MEI4: variants seen among roughly 807,000 people sequenced by gnomAD.
The protein encoded by MEI4 is meiosis-specific protein MEI4.
MEI4 carries 27 observed loss-of-function variants against 31.4 expected under a neutral mutation model. That is an observed-to-expected ratio of 0.86 (90% confidence interval 0.63 to 1.19). The LOEUF is 1.19. Ranked by LOEUF, MEI4 falls within the 50% of genes most tolerant of loss-of-function variation. MEI4 has a pLI of 0.00. For synonymous variants in MEI4, 122 were observed against 145.4 expected (o/e 0.84, Z 1.16); for missense variants, 329 against 398.9 (o/e 0.82, Z 1.49).
chr6:77,863,594 A>G (rs1770931294), intron 4 of MEI4, among the ~76,000 whole-genome samples: 1 of 152,194 alleles, frequency 6.6e-6, no homozygotes, highest in African/African-American at 2.4e-5. Context: ...AAAAGACCAA[A>G]TCTACGTCTG....
At chr6:77,682,418 G>T (rs1349120956) in intron 1 of MEI4, among the ~76,000 whole-genome samples, 1 of 152,114 alleles carries the variant, frequency 6.6e-6, no homozygotes, top group Non-Finnish European at 1.5e-5. Context: ...TAATTATTTT[G>T]GTGAAAGTTT....
intron 4 of MEI4, among the ~76,000 whole-genome samples, chr6:77,850,604 T>TGC: frequency 6.6e-6 from 1 of 152,182 alleles, no homozygotes; most frequent in Non-Finnish European, 1.5e-5. Flanking sequence ...TGAAACTGGA[T>TGC]CTTTTCCTTA....
At chr6:77,796,920 C>T (rs187990337) in intron 3 of MEI4, among the ~76,000 whole-genome samples, 5 of 152,270 alleles carry the variant, frequency 3.3e-5, no homozygotes, top group Admixed American at 3.3e-4. Flanking sequence ...CACATTTACA[C>T]TCCCTGTTTT....
At chr6:77,685,261 CA>C (rs1463481292) in intron 1 of MEI4, among the ~76,000 whole-genome samples, 6 of 149,636 alleles carry the variant, frequency 4.0e-5, no homozygotes, top group Admixed American at 6.7e-5. Flanking sequence ...AATTCCTTGT[CA>C]GGGGGATAGT....
chr6:77,686,601 A>G (rs1394222860), intron 1 of MEI4, among the ~76,000 whole-genome samples: 1 of 152,132 alleles, frequency 6.6e-6, no homozygotes. Context: ...GTTGAGTTAT[A>G]TGATATATCA....
intron 4 of MEI4, among the ~76,000 whole-genome samples, chr6:77,922,052 A>T (rs185053568): frequency 6.6e-6 from 1 of 151,852 alleles, no homozygotes; most frequent in African/African-American, 2.4e-5. Context: ...CAATTTGAAA[A>T]AATTGCAATA....
At chr6:77,755,832 G>A (rs1164138016) in intron 2 of MEI4, among the ~76,000 whole-genome samples, 4 of 136,902 alleles carry the variant, frequency 2.9e-5, no homozygotes, top group Admixed American at 2.1e-4. Context: ...AATGGTGTGT[G>A]TGTGTGTGTG....
At chr6:77,803,448 G>A (rs552022236) in intron 3 of MEI4, among the ~76,000 whole-genome samples, 19 of 151,890 alleles carry the variant, frequency 1.3e-4, no homozygotes, top group South Asian at 6.2e-4. Flanking sequence ...TAGTTTGATC[G>A]TCTGAAGGCT....
intron 4 of MEI4, among the ~76,000 whole-genome samples, chr6:77,829,426 A>T (rs1165946749): frequency 6.6e-6 from 1 of 152,150 alleles, no homozygotes; most frequent in East Asian, 1.9e-4. Flanking sequence ...GTCCTTAACC[A>T]GTATTTTTCA....
chr6:77,656,255 G>A (rs1052913786), intron 1 of MEI4, among the ~76,000 whole-genome samples: 1 of 152,038 alleles, frequency 6.6e-6, no homozygotes, highest in Non-Finnish European at 1.5e-5. Flanking sequence ...ATAATTGTTA[G>A]AAAATATATT....
At chr6:77,860,245 G>T (rs1770835758) in intron 4 of MEI4, among the ~76,000 whole-genome samples, 1 of 152,174 alleles carries the variant, frequency 6.6e-6, no homozygotes, top group African/African-American at 2.4e-5. Flanking sequence ...TTCTAAAAGT[G>T]ATTGTGAAAA....
chr6:77,652,767 A>G (rs1562192529), upstream of MEI4, among the ~76,000 whole-genome samples: 1 of 152,188 alleles, frequency 6.6e-6, no homozygotes, highest in Non-Finnish European at 1.5e-5. Flanking sequence ...TTCAGAGCTC[A>G]TCATGTGTTA....
intron 3 of MEI4, among the ~76,000 whole-genome samples, chr6:77,803,913 G>A (rs1308357160): frequency 6.6e-6 from 1 of 152,176 alleles, no homozygotes; most frequent in Admixed American, 6.5e-5. Flanking sequence ...AGGCTACTCA[G>A]GGGTCAGGGA....
At chr6:77,715,880 G>T (rs1293538740) in intron 2 of MEI4, among the ~76,000 whole-genome samples, 1 of 151,686 alleles carries the variant, frequency 6.6e-6, no homozygotes, top group East Asian at 1.9e-4. Flanking sequence ...TTGAAAATTG[G>T]CCGGTTACAA....
At chr6:77,893,239 A>G (rs1457767672) in intron 4 of MEI4, among the ~76,000 whole-genome samples, 1 of 152,142 alleles carries the variant, frequency 6.6e-6, no homozygotes, top group African/African-American at 2.4e-5. Flanking sequence ...CTTGACAGCT[A>G]TCTTAAAAGG....
chr6:77,813,932 TA>T (rs893861792), intron 3 of MEI4, among the ~76,000 whole-genome samples: 1 of 152,108 alleles, frequency 6.6e-6, no homozygotes, highest in Non-Finnish European at 1.5e-5. Context: ...AATAACATTT[TA>T]AAATTCATCA....
intron 4 of MEI4, among the ~76,000 whole-genome samples, chr6:77,862,825 C>A (rs1161959518): frequency 6.6e-6 from 1 of 152,194 alleles, no homozygotes; most frequent in East Asian, 1.9e-4. Flanking sequence ...AGGCATCCCC[C>A]AGTAGGGGCA....
At chr6:77,669,357 T>A (rs1768695973) in intron 1 of MEI4, among the ~76,000 whole-genome samples, 1 of 152,262 alleles carries the variant, frequency 6.6e-6, no homozygotes, top group East Asian at 1.9e-4. Context: ...TTTAAAAAAT[T>A]ATGATTTTTC....
At chr6:77,814,075 T>G (rs917239305) in intron 3 of MEI4, among the ~76,000 whole-genome samples, 1 of 152,096 alleles carries the variant, frequency 6.6e-6, no homozygotes, top group Non-Finnish European at 1.5e-5. Flanking sequence ...CAAAGTTAGA[T>G]GTACTTAGCT....
Sources: allele counts gnomAD v4.1 joint callset (sites outside exome capture counted in the v4.1 genomes callset), GRCh38; gene constraint gnomAD v4.1.1; transcripts MANE v1.5; gene names NCBI Gene and HGNC (gene_info 2026-07-23, HGNC 2026-07-21).